The following CNTN6 variants were observed in gnomAD, a reference collection of about 807,000 sequenced individuals.
The protein encoded by CNTN6 is contactin-6.
A neutral mutation model predicts 122.8 loss-of-function variants in CNTN6; 137 were observed. The ratio of observed to expected loss-of-function variants is 1.12; its 90% confidence interval spans 0.97 to 1.29. CNTN6 has a LOEUF of 1.29. Among genes scored for constraint, CNTN6 ranks in the 50% most tolerant of loss-of-function variants. The probability of loss-of-function intolerance (pLI) is 0.00; values close to 1 mark genes in which losing one functional copy is unlikely to be tolerated. For missense variants in CNTN6, 1,634 were observed against 1,223.4 expected (o/e 1.34, Z -5.01); for synonymous variants, 570 against 426.0 (o/e 1.34, Z -4.16).
intron 11 of CNTN6, among the ~76,000 whole-genome samples, chr3:1,350,629 C>T (rs935248353): frequency 6.6e-6 from 1 of 151,742 alleles, no homozygotes; most frequent in African/African-American, 2.4e-5. Flanking sequence ...TACCACTGCA[C>T]ACTTGAATTA....
At chr3:1,104,574 G>A (rs1183843072) in intron 1 of CNTN6, among the ~76,000 whole-genome samples, 5 of 152,022 alleles carry the variant, frequency 3.3e-5, no homozygotes, top group Admixed American at 1.3e-4. Context: ...AAATTAGTAC[G>A]TATATAACAA....
chr3:1,281,701 G>C (rs946956860), intron 5 of CNTN6, among the ~76,000 whole-genome samples: 10 of 152,268 alleles, frequency 6.6e-5, no homozygotes, highest in African/African-American at 2.2e-4. Flanking sequence ...GCCTCCCAAA[G>C]TGCTGGGATT....
intron 7 of CNTN6, among the ~76,000 whole-genome samples, chr3:1,315,053 G>A (rs1222221750): frequency 1.3e-5 from 2 of 151,914 alleles, no homozygotes; most frequent in African/African-American, 4.8e-5. Context: ...AAAGGGAAAT[G>A]TTGCCAGAAA....
chr3:1,296,849 T>G (rs994249324), intron 6 of CNTN6, among the ~76,000 whole-genome samples: 1 of 152,150 alleles, frequency 6.6e-6, no homozygotes, highest in Non-Finnish European at 1.5e-5. Context: ...CTACCATGTT[T>G]TTCCTTTTTT....
At chr3:1,200,567 C>T (rs2093848669) in intron 2 of CNTN6, among the ~76,000 whole-genome samples, 1 of 152,174 alleles carries the variant, frequency 6.6e-6, no homozygotes, top group Non-Finnish European at 1.5e-5. Context: ...CTAGTTTCTT[C>T]TCATCTGGAC....
chr3:1,345,699 T>C (rs1001381780), intron 11 of CNTN6, among the ~76,000 whole-genome samples: 3 of 152,302 alleles, frequency 2.0e-5, no homozygotes, highest in Non-Finnish European at 4.4e-5. Flanking sequence ...AATATCAGTA[T>C]TTGATCTAAA....
rs140202717 is a variant in CNTN6 at position 1,146,918 on chromosome 3, A to C, written c.-82-1009A>C. On this transcript the variant is annotated intron_variant, in intron 1 of 22. Coordinates refer to ENST00000446702, the MANE Select transcript of CNTN6 (RefSeq NM_001289080.2). ...TCAATACCTATGTTGACCCCTGAAT[A>C]TTGTTTATTTTTCCTGTGATTTTTA... 3.0e-3 allele frequency among the ~76,000 whole-genome samples: 461 copies of C among 152,186 alleles called. 1 individual carries two copies. The highest frequency in any genetic ancestry group is 0.01 in the African/African-American group (434 of 41,544).
chr3:1,214,378 A>T (rs1198025349), intron 2 of CNTN6, among the ~76,000 whole-genome samples: 3 of 125,790 alleles, frequency 2.4e-5, no homozygotes, highest in African/African-American at 9.4e-5. Context: ...GCGTAATCTC[A>T]GCTCACTGCA....
chr3:1,289,948 G>A (rs1001451336), intron 5 of CNTN6, among the ~76,000 whole-genome samples: 47 of 152,206 alleles, frequency 3.1e-4, no homozygotes, highest in Admixed American at 9.8e-4. Flanking sequence ...TGCTGGGATT[G>A]CAGGCGTGAG....
Position 1,112,906 on chromosome 3 carries a change from A to C in CNTN6, c.-83+19786A>C, listed in dbSNP as rs150136541. ...ATTGGGGAGAAAAGCAAACATAAGA[A>C]ATTTTCCAGAAGAGATGAATGAAAG... On this transcript the variant is annotated intron_variant, in intron 1 of 22. Coordinates refer to ENST00000446702, the MANE Select transcript of CNTN6 (RefSeq NM_001289080.2). Among the ~76,000 whole-genome samples the C allele has an allele frequency of 3.0e-3, 461 of 152,232 alleles. 2 individuals are homozygous for C. The highest frequency in any genetic ancestry group is 0.011 in the African/African-American group (442 of 41,544).
rs574667505 is a variant in CNTN6 at position 1,289,799 on chromosome 3, C to G, written c.455-5802C>G. Among the ~76,000 whole-genome samples the G allele has an allele frequency of 1.1e-3, 166 of 151,948 alleles. 1 individual carries two copies. Among genetic ancestry groups the G allele is most frequent in the African/African-American group, 3.9e-3 (161 of 41,450 alleles). ...CCGCCATTCTCCTGCCTCAGTCTCC[C>G]CAGCAGCTGGGACTACAGGTGCCCA... On this transcript the variant is annotated intron_variant, in intron 5 of 22. Coordinates refer to ENST00000446702, the MANE Select transcript of CNTN6 (RefSeq NM_001289080.2).
intron 3 of CNTN6, among the ~76,000 whole-genome samples, chr3:1,227,100 C>G (rs1191431180): frequency 6.6e-6 from 1 of 152,126 alleles, no homozygotes; most frequent in Non-Finnish European, 1.5e-5. Flanking sequence ...AGTTATGAAT[C>G]TTTGAAAGTA....
At chr3:1,349,770 T>A (rs77502750) in intron 11 of CNTN6, among the ~76,000 whole-genome samples, 97 of 151,930 alleles carry the variant, frequency 6.4e-4, no homozygotes, top group African/African-American at 2.3e-3. Flanking sequence ...ATTAAGACAA[T>A]GATCAGGTTG....
chr3:1,099,783 A>G (rs1449821330), intron 1 of CNTN6, among the ~76,000 whole-genome samples: 1 of 152,166 alleles, frequency 6.6e-6, no homozygotes, highest in Non-Finnish European at 1.5e-5. Context: ...TTCTTACTTC[A>G]TATTCAACCA....
chr3:1,109,831 G>C (rs1051495444), intron 1 of CNTN6, among the ~76,000 whole-genome samples: 2 of 151,964 alleles, frequency 1.3e-5, no homozygotes, highest in East Asian at 3.9e-4. Context: ...TCTTGACAAA[G>C]AAACTAAAGA....
In CNTN6 at chr3:1,329,990, A is replaced by C. The variant is rs1702074703; in HGVS notation, c.1364+55A>C. On this transcript the variant is annotated intron_variant, in intron 11 of 22. Transcript: ENST00000446702. Reference sequence around the variant, plus strand: ...TTTGTTTGTAATATAACATCTTCCAAATTTTTAGGTTTTAGTAGGCCTTTC... The same window carrying C: ...TTTGTTTGTAATATAACATCTTCCACATTTTTAGGTTTTAGTAGGCCTTTC... The C allele has an allele frequency of 2.2e-6, 3 of 1,382,774 alleles. No individual in the cohort carries two copies. In the South Asian group the frequency reaches 5.1e-5, roughly 23 times the overall value. 85.7% of individuals were successfully genotyped at this position (1,382,774 alleles called of 1,614,324 possible).
At chr3:1,185,479 G>A (rs1225262342) in intron 2 of CNTN6, among the ~76,000 whole-genome samples, 2 of 152,144 alleles carry the variant, frequency 1.3e-5, no homozygotes, top group African/African-American at 4.8e-5. Context: ...GATAACCACT[G>A]CATTAGCACA....
chr3:1,390,078 A>G (rs1188402839), intron 20 of CNTN6, among the ~76,000 whole-genome samples: 1 of 151,868 alleles, frequency 6.6e-6, no homozygotes, highest in African/African-American at 2.4e-5. Flanking sequence ...CATCTACAGA[A>G]CTCTCCACCA....
At chr3:1,380,445 T>G (rs1258462543) in intron 17 of CNTN6, among the ~76,000 whole-genome samples, 2 of 152,198 alleles carry the variant, frequency 1.3e-5, no homozygotes, top group East Asian at 3.9e-4. Flanking sequence ...AGGGCATGTT[T>G]ATACATTATT....
Sources: gnomAD v4.1 joint callset for allele counts (sites outside exome capture counted in the v4.1 genomes callset) on GRCh38, gnomAD v4.1.1 for gene constraint, MANE v1.5 for transcripts, NCBI Gene and HGNC (gene_info 2026-07-23, HGNC 2026-07-21) for gene names.